UBR4: variants seen among roughly 807,000 people sequenced by gnomAD.
The protein encoded by UBR4 is E3 ubiquitin-protein ligase UBR4.
In UBR4, 124 loss-of-function variants were observed where a neutral mutation model predicts 575.6. That is an observed-to-expected ratio of 0.22 (90% CI 0.19 to 0.25). The LOEUF (loss-of-function observed/expected upper bound fraction) is 0.25. UBR4 is among the 10% of genes least tolerant of loss of function. The pLI is 1.00. For synonymous variants in UBR4, 2,455 were observed against 2,473.7 expected (o/e 0.99, Z 0.22); for missense variants, 4,818 against 6,478.8 (o/e 0.74, Z 8.80).
chr1:19,118,003 T>C, intron 71 of UBR4, 93 bp from the exon 72 acceptor site: 1 of 1,147,192 alleles, frequency 8.7e-7, no homozygotes, highest in Non-Finnish European at 1.3e-6. Flanking sequence ...TGGCTCAATG[T>C]GAGCCAAAGT....
At chr1:19,083,915 C>A (rs1432191169) in intron 102 of UBR4, among the ~76,000 whole-genome samples, 1 of 152,166 alleles carries the variant, frequency 6.6e-6, no homozygotes, top group African/African-American at 2.4e-5. Context: ...TTCCTGGCTG[C>A]CTTCCTTGTC....
chr1:19,199,813 A>C (rs2092657118), intron 2 of UBR4, 59 bp from the exon 3 acceptor site: 19 of 1,481,580 alleles, frequency 1.3e-5, no homozygotes, highest in South Asian at 3.4e-5. Flanking sequence ...CAATAAATTA[A>C]GCAAAGTAAG....
At chr1:19,150,868 G>A in intron 48 of UBR4, 75 bp from the exon 49 acceptor site, 1 of 1,450,328 alleles carries the variant, frequency 6.9e-7, no homozygotes, top group Non-Finnish European at 9.5e-7. Flanking sequence ...GACCAGAACA[G>A]TTGGAGCAAA....
At chr1:19,113,896 G>C in intron 76 of UBR4, 49 bp downstream of exon 76, 5 of 1,614,184 alleles carry the variant, frequency 3.1e-6, no homozygotes, top group Non-Finnish European at 4.2e-6. Flanking sequence ...GCAGTCTTCT[G>C]ATCAAGACCC....
chr1:19,105,080 C>T lies in UBR4; in HGVS notation c.12613G>A (p.Val4205Ile). 1 of 1,614,026 alleles carries T rather than the reference C, an allele frequency of 6.2e-7. No homozygotes were observed. Among genetic ancestry groups the T allele is most frequent in the African/African-American group, 1.3e-5 (1 of 75,000 alleles). Residue 4205 changes from valine to isoleucine, a missense_variant, in exon 85 of 106, where the codon GTC (valine) becomes ATC (isoleucine). Physicochemically the swap from Val to Ile is conservative, Grantham distance 29 (BLOSUM62 3). This residue lies in a region of UBR4 where 178 missense variants were observed against 175.5 expected (regional missense o/e 1.01). Coordinates refer to ENST00000375254, the MANE Select transcript of UBR4 (RefSeq NM_020765.3). ...HWKVYLAARG[V>I]LPYVGNLITK... ...ATGAGGTTGCCCACATAGGGTAGGA[C>T]TCCCCGAGCTGCCAAGTAGACTTTC...
intron 11 of UBR4, among the ~76,000 whole-genome samples, chr1:19,190,310 AAAAT>A (rs2091954803): frequency 3.8e-5 from 3 of 78,038 alleles, no homozygotes; most frequent in African/African-American, 1.5e-4. Flanking sequence ...AAAAAAAAAA[AAAAT>A]ATATATATAT....
intron 1 of UBR4, among the ~76,000 whole-genome samples, chr1:19,207,724 C>A (rs746017428): frequency 6.6e-6 from 1 of 152,048 alleles, no homozygotes; most frequent in Non-Finnish European, 1.5e-5. Flanking sequence ...CAAACTATGG[C>A]CTGCAGGCCA....
rs371367097 is a variant in UBR4 at position 19,122,796 on chromosome 1, C to A, written c.9816+37G>T. 33 of 1,610,884 alleles carry A rather than the reference C, an allele frequency of 2.0e-5. No homozygotes were observed. The South Asian group carries it at 2.5e-4, about 12-fold the overall frequency. On this transcript the variant is annotated intron_variant, in intron 66 of 105. Coordinates refer to ENST00000375254, the MANE Select transcript of UBR4 (RefSeq NM_020765.3). ...CCTACTTGGCTAAGCCTTATCACAT[C>A]CCCCCTCCCTGCCCTACCAGGTCCC...
rs750085091 is a variant in UBR4, at chr1:19,120,397, C to G, written c.10142-49G>C. On this transcript the variant is annotated intron_variant, in intron 68 of 105. Transcript: ENST00000375254. ...GGGCTGAAGAGTAGGAAGAAGTCCT[C>G]CAGGGTCCTAAGGCCTGGGCTACCA... is the stretch of plus-strand genomic sequence containing the variant. The G allele has an allele frequency of 2.5e-6, 4 of 1,595,242 alleles. No individual in the cohort carries two copies. The East Asian group carries it at 9.0e-5, about 36-fold the overall frequency.
Position 19,161,748 on chromosome 1 carries a change from A to G in UBR4, c.5028-12T>C, listed in dbSNP as rs2087394280. On this transcript the variant is annotated splice_polypyrimidine_tract_variant and intron_variant, in intron 36 of 105. Transcript: ENST00000375254. ...TGTGACAGTGGTACCTACAAAGAACAAGAACCAGCAAATAAGCTCAGAAGT... is the reference window on the plus strand; with the variant it reads ...TGTGACAGTGGTACCTACAAAGAACGAGAACCAGCAAATAAGCTCAGAAGT... The G allele has an allele frequency of 1.9e-6, 3 of 1,613,452 alleles. No individual in the cohort carries two copies. Among genetic ancestry groups the G allele is most frequent in the Non-Finnish European group, 2.5e-6 (3 of 1,179,482 alleles).
Position 19,110,944 on chromosome 1 carries a change from C to T in UBR4, c.11802-112G>A, listed in dbSNP as rs1320002839. 8 of 1,088,950 alleles carry T rather than the reference C, an allele frequency of 7.3e-6. No homozygotes were observed. In the South Asian group the frequency reaches 1.1e-4, roughly 15 times the overall value. 67.5% of individuals were successfully genotyped at this position (1,088,950 alleles called of 1,614,324 possible). A position where few individuals can be genotyped will look rare whatever the true frequency, so the allele number is the denominator to read the frequency against. ...ATCAATGTCTAAGGCTACCTGGCCC[C>T]AAATTTTCTACTTCCTTCCCGGGGC... On this transcript the variant is annotated intron_variant, in intron 78 of 105. Transcript: ENST00000375254. This position sits in a 1 kb window ranked among gnomAD's most constrained non-coding sequence, Gnocchi z 4.5.
rs1452999978 is a variant in UBR4, at chr1:19,148,568, C to T, written c.7489G>A (p.Glu2497Lys). 5 of 1,614,042 alleles carry T rather than the reference C, an allele frequency of 3.1e-6. No homozygotes were observed. The highest frequency in any genetic ancestry group is 1.1e-5 in the South Asian group (1 of 91,084). The change falls in exon 50 of 106, where the codon GAG becomes AAG. Residue 2497 changes from glutamate to lysine, a missense_variant. Glu to Lys is a moderately conservative substitution (Grantham distance 56). This residue lies in a region of UBR4 where 340 missense variants were observed against 375.4 expected (regional missense o/e 0.91). Transcript: ENST00000375254. ...GCTTTGAAAAAGTGACTTGCCTTCT[C>T]GATGATTGGGCCAACGGCAAAGCAG... ...ESCFAVGPII[E>K]KERNKNAAQE...
rs921949512 is a variant in UBR4, at chr1:19,174,445, T to C, written c.2856A>G (p.Ala952=). 1.2e-6 allele frequency: 2 copies of C among 1,608,456 alleles called. No individual in the cohort carries two copies. The highest frequency in any genetic ancestry group is 1.7e-5 in the Admixed American group (1 of 59,908). Reference sequence around the variant, plus strand: ...CAAGCTTGGAGAAAAGGACGTCACATGCCTGACATCAAGAAAGAAAGAGAG... The same window carrying C: ...CAAGCTTGGAGAAAAGGACGTCACACGCCTGACATCAAGAAAGAAAGAGAG... ...EDDLNRLDSV[A]CDVLFSKLVK... is the part of the protein sequence containing the mutation. Residue 952 remains alanine (A), a splice_region_variant and synonymous_variant, in exon 22 of 106, where the codon GCA becomes GCG. Transcript: ENST00000375254.
At position 19,126,638 on chromosome 1, in the gene UBR4, G is replaced by A. The variant is rs762795300; in HGVS notation, c.9246C>T (p.Ser3082=). 1.2e-6 allele frequency: 2 copies of A among 1,613,730 alleles called. No individual in the cohort carries two copies. The highest frequency in any genetic ancestry group is 2.2e-5 in the South Asian group (2 of 91,052). ...TCAGTAGAGCTGCTGCTGTGGCACT[G>A]GAGATGAGGGAAGATGACTGGGAGA... ...SSICESSSLI[S]SATAAALLSS... The change falls in exon 64 of 106, where the codon TCC becomes TCT. Residue 3082 remains serine (S), a synonymous_variant. Coordinates refer to ENST00000375254, the MANE Select transcript of UBR4 (RefSeq NM_020765.3).
intron 64 of UBR4, among the ~76,000 whole-genome samples, chr1:19,125,408 G>A (rs1457910536): frequency 6.6e-6 from 1 of 152,220 alleles, no homozygotes. Flanking sequence ...GGGTGCTCCG[G>A]GAACCCAGGA....
chr1:19,162,404 G>A lies in UBR4; in HGVS notation c.4956+16C>T, dbSNP rs754967341. 9 of 1,604,480 alleles carry A rather than the reference G, an allele frequency of 5.6e-6. No individual in the cohort carries two copies. Among genetic ancestry groups the A allele is most frequent in the African/African-American group, 1.3e-5 (1 of 74,638 alleles). The stretch of plus-strand genomic sequence containing the variant: ...ATTACCTTGAGAGGTTAACTTCGAG[G>A]TTACTTAGTACTTACTGAATCCTCA... On this transcript the variant is annotated intron_variant, in intron 35 of 105. Coordinates refer to ENST00000375254, the MANE Select transcript of UBR4 (RefSeq NM_020765.3).
Position 19,156,300 on chromosome 1 carries a change from A to C in UBR4, c.6043T>G (p.Leu2015Val). The change falls in exon 42 of 106, where the codon TTA becomes GTA. Residue 2015 changes from leucine to valine, a missense_variant. Leu to Val is a conservative substitution (Grantham distance 32). This residue lies in a region of UBR4 where 461 missense variants were observed against 606.9 expected (regional missense o/e 0.76). Transcript: ENST00000375254. ...AVWLPGSQTE[L>V]AIVTADFVKI... Reference sequence around the variant, plus strand: ...ACAAAGTCTGCGGTGACAATTGCTAACTCGGTCTGTGAACCAGGTAACCAC... The same window carrying C: ...ACAAAGTCTGCGGTGACAATTGCTACCTCGGTCTGTGAACCAGGTAACCAC... 1 of 1,614,210 alleles carries C rather than the reference A, an allele frequency of 6.2e-7. No homozygotes were observed.
Position 19,167,072 on chromosome 1 carries a change from C to T in UBR4, c.4059G>A (p.Lys1353=). Residue 1353 remains lysine (K), a synonymous_variant, in exon 29 of 106, where the codon AAG becomes AAA. Transcript: ENST00000375254. The stretch of plus-strand genomic sequence containing the variant: ...GAATGTTGTAACAACCAGTGATCAG[C>T]TTCTCATAAACACGAGCCAAGAACT... The part of the protein sequence containing the change: ...SDEFLARVYE[K]LITGCYNILA... 1 of 1,614,216 alleles carries T rather than the reference C, an allele frequency of 6.2e-7. No homozygotes were observed. The highest frequency in any genetic ancestry group is 8.5e-7 in the Non-Finnish European group (1 of 1,180,038).
Position 19,126,660 on chromosome 1 carries a change from G to C in UBR4, c.9229-5C>G, listed in dbSNP as rs1256496500. On this transcript the variant is annotated splice_region_variant and splice_polypyrimidine_tract_variant and intron_variant, in intron 63 of 105. Transcript: ENST00000375254. Reference sequence around the variant, plus strand: ...ACTGGAGATGAGGGAAGATGACTGGGAGACAGAGAAAATACAGAGATGGGA... The same window carrying C: ...ACTGGAGATGAGGGAAGATGACTGGCAGACAGAGAAAATACAGAGATGGGA... The C allele has an allele frequency of 3.7e-6, 6 of 1,612,632 alleles. No homozygotes were observed. Among genetic ancestry groups the C allele is most frequent in the Non-Finnish European group, 5.1e-6 (6 of 1,179,628 alleles).
Sources: gnomAD v4.1 joint callset for allele counts (sites outside exome capture counted in the v4.1 genomes callset) on GRCh38, gnomAD v4.1.1 for gene constraint, gnomAD v4.1.1 regional missense constraint, Gnocchi (gnomAD v3.1) non-coding constraint, MANE v1.5 for transcripts, NCBI Gene and HGNC (gene_info 2026-07-23, HGNC 2026-07-21) for gene names.